Variants in LRP1B observed in about 807,000 individuals in gnomAD.
LRP1B encodes the protein LDL receptor related protein 1B, also known as low-density lipoprotein receptor-related protein 1B.
Under a neutral mutation model 556.6 loss-of-function variants are expected in LRP1B, and 217 were observed. That is an observed-to-expected ratio of 0.39 (90% CI 0.35 to 0.44). The LOEUF is 0.44. Among genes scored for constraint, LRP1B ranks in the 20% least tolerant of loss-of-function variants. The pLI is 1.00. For synonymous variants in LRP1B, 2,047 were observed against 1,865.8 expected (o/e 1.10, Z -2.50); for missense variants, 5,053 against 5,620.8 (o/e 0.90, Z 3.23).
At chr2:141,445,091 G>C (rs994713516) in intron 3 of LRP1B, among the ~76,000 whole-genome samples, 31 of 152,256 alleles carry the variant, frequency 2.0e-4, no homozygotes, top group African/African-American at 7.2e-4. Flanking sequence ...ATTAATTACT[G>C]CCTCAATTTC....
chr2:141,109,895 G>C (rs1247739857), intron 7 of LRP1B, among the ~76,000 whole-genome samples: 2 of 152,140 alleles, frequency 1.3e-5, no homozygotes, highest in Non-Finnish European at 2.9e-5. Context: ...ATTGCTCAAG[G>C]CTTATCTGGT....
chr2:141,601,201 A>ATCTAT (rs1491125615), intron 2 of LRP1B, among the ~76,000 whole-genome samples: 3 of 102,750 alleles, frequency 2.9e-5, no homozygotes, highest in African/African-American at 1.3e-4. Context: ...TCTGTCTGTC[A>ATCTAT]GTATCTATCT....
intron 1 of LRP1B, among the ~76,000 whole-genome samples, chr2:141,978,157 T>C (rs1701937669): frequency 6.6e-6 from 1 of 152,108 alleles, no homozygotes; most frequent in African/African-American, 2.4e-5. Flanking sequence ...GTAATATGGA[T>C]AGTGAGTGAA....
chr2:141,481,256 A>C (rs937946003), intron 2 of LRP1B, among the ~76,000 whole-genome samples: 5 of 152,158 alleles, frequency 3.3e-5, no homozygotes, highest in South Asian at 2.1e-4. Flanking sequence ...AAGTTTACCC[A>C]TTCCAAATCT....
At chr2:140,458,688 G>A (rs1042340641) in intron 60 of LRP1B, among the ~76,000 whole-genome samples, 3 of 151,718 alleles carry the variant, frequency 2.0e-5, no homozygotes, top group Non-Finnish European at 4.4e-5. Flanking sequence ...TTAATGTTTG[G>A]CATATTCCTC....
chr2:141,040,313 T>G (rs1238162007), intron 11 of LRP1B, among the ~76,000 whole-genome samples: 1 of 152,084 alleles, frequency 6.6e-6, no homozygotes, highest in East Asian at 1.9e-4. Flanking sequence ...ATTATCACAC[T>G]TTAAATTTCA....
At chr2:141,201,736 C>T (rs6734198) in intron 6 of LRP1B, among the ~76,000 whole-genome samples, 120,241 of 152,026 alleles carry the variant, frequency 0.79, 48,435 homozygotes, top group Non-Finnish European at 0.86. Flanking sequence ...AGAAATGGTG[C>T]ATGTTTCCCC....
chr2:141,870,934 G>C (rs145969475), intron 1 of LRP1B, among the ~76,000 whole-genome samples: 1 of 152,012 alleles, frequency 6.6e-6, no homozygotes, highest in East Asian at 1.9e-4. Flanking sequence ...GGTTGTGAGT[G>C]CACTAGTCCC....
At chr2:141,362,544 G>T (rs1404610005) in intron 3 of LRP1B, among the ~76,000 whole-genome samples, 1 of 152,226 alleles carries the variant, frequency 6.6e-6, no homozygotes, top group African/African-American at 2.4e-5. Flanking sequence ...AATGCTTATT[G>T]CATCAGCTGG....
chr2:141,626,828 T>G (rs1055585576), intron 2 of LRP1B, among the ~76,000 whole-genome samples: 1 of 152,210 alleles, frequency 6.6e-6, no homozygotes, highest in African/African-American at 2.4e-5. Flanking sequence ...GGAGCAATGA[T>G]TGAGAATTCA....
intron 3 of LRP1B, among the ~76,000 whole-genome samples, chr2:141,373,762 T>C (rs894967032): frequency 6.6e-6 from 1 of 152,182 alleles, no homozygotes; most frequent in Non-Finnish European, 1.5e-5. Flanking sequence ...ACCATTGACA[T>C]ACAAGGTTAA....
chr2:140,839,114 G>T (rs1422210713), intron 31 of LRP1B, among the ~76,000 whole-genome samples: 1 of 152,102 alleles, frequency 6.6e-6, no homozygotes, highest in East Asian at 1.9e-4. Context: ...CAATAATGAT[G>T]ATCAGGAAAA....
At chr2:141,108,341 T>A (rs768706600) in intron 7 of LRP1B, among the ~76,000 whole-genome samples, 9,640 of 112,744 alleles carry the variant, frequency 0.086, 430 homozygotes, top group South Asian at 0.16. Context: ...TTTCTTTTTT[T>A]TTTTTTTTTT....
intron 3 of LRP1B, among the ~76,000 whole-genome samples, chr2:141,447,787 C>A (rs1681252513): frequency 6.6e-6 from 1 of 152,156 alleles, no homozygotes; most frequent in Non-Finnish European, 1.5e-5. Context: ...CCTCTGGAAG[C>A]TTTGTCCCAG....
At chr2:142,086,944 C>T (rs950384758) in intron 1 of LRP1B, among the ~76,000 whole-genome samples, 1 of 151,592 alleles carries the variant, frequency 6.6e-6, no homozygotes, top group South Asian at 2.1e-4. Context: ...TTTTTTTTTC[C>T]AATCTCTGCC....
At chr2:141,061,985 C>T (rs2105467724) in intron 8 of LRP1B, 66 bp downstream of exon 8, 11 of 1,335,536 alleles carry the variant, frequency 8.2e-6, no homozygotes, top group South Asian at 1.2e-5. Flanking sequence ...TTCAGTATTG[C>T]AAATTTTGGT....
chr2:141,308,231 G>A (rs886592521), intron 3 of LRP1B, among the ~76,000 whole-genome samples: 5 of 152,064 alleles, frequency 3.3e-5, no homozygotes, highest in African/African-American at 1.2e-4. Flanking sequence ...TTGGGCTACT[G>A]GTGACTGAGA....
chr2:141,803,280 A>T (rs1696070251), intron 2 of LRP1B, among the ~76,000 whole-genome samples: 1 of 151,338 alleles, frequency 6.6e-6, no homozygotes, highest in Non-Finnish European at 1.5e-5. Flanking sequence ...TGAGAGCAGA[A>T]TGAGGAGTAA....
chr2:141,230,952 C>A (rs1030473006), intron 5 of LRP1B, among the ~76,000 whole-genome samples: 5 of 152,056 alleles, frequency 3.3e-5, no homozygotes, highest in African/African-American at 4.8e-5. Context: ...AGAGAAAAAG[C>A]GTAGAACTTA....
Sources: gnomAD v4.1 joint callset for allele counts (sites outside exome capture counted in the v4.1 genomes callset) on GRCh38, gnomAD v4.1.1 for gene constraint, MANE v1.5 for transcripts, NCBI Gene and HGNC (gene_info 2026-07-23, HGNC 2026-07-21) for gene names.